The following MPPED2 variants were observed in gnomAD, a reference collection of about 807,000 sequenced individuals.
MPPED2 encodes metallophosphoesterase MPPED2.
MPPED2 carries 5 observed loss-of-function variants against 33.0 expected under a neutral mutation model. That is an observed-to-expected ratio of 0.15 (90% CI 0.08 to 0.32). The LOEUF is 0.32. MPPED2 is among the 10% of genes least tolerant of loss of function. MPPED2 has a pLI of 1.00. For synonymous variants in MPPED2, 136 were observed against 141.9 expected, an observed-to-expected ratio of 0.96 and a Z score of 0.29; for missense variants, 275 against 372.1, an observed-to-expected ratio of 0.74 and a Z score of 2.15.
chr11:30,429,080 A>G (rs1029902031), intron 4 of MPPED2: 1 of 152,186 alleles, frequency 6.6e-6, no homozygotes, highest in Non-Finnish European at 1.5e-5. Flanking sequence ...CACTTGGGAG[A>G]TAGAAAAGAG....
intron 6 of MPPED2, among the ~76,000 whole-genome samples, chr11:30,392,255 A>G (rs574266328): frequency 6.6e-6 from 1 of 152,324 alleles, no homozygotes; most frequent in South Asian, 2.1e-4. Flanking sequence ...CACAAAAAGA[A>G]TAAGCCTTCT....
chr11:30,577,505 G>T (rs991589758), intron 2 of MPPED2, among the ~76,000 whole-genome samples: 1 of 152,148 alleles, frequency 6.6e-6, no homozygotes. Context: ...GCAAAGTTCT[G>T]CCATGACATG....
At chr11:30,482,064 A>C (rs1378370961) in intron 4 of MPPED2, among the ~76,000 whole-genome samples, 1 of 152,170 alleles carries the variant, frequency 6.6e-6, no homozygotes, top group Non-Finnish European at 1.5e-5. Flanking sequence ...TCATAGACAC[A>C]CATTTTACGG....
intron 5 of MPPED2, among the ~76,000 whole-genome samples, chr11:30,415,919 G>A (rs1193673431): frequency 6.6e-6 from 1 of 152,198 alleles, no homozygotes; most frequent in Admixed American, 6.5e-5. Flanking sequence ...AATAGCCAAA[G>A]GGAAATCATG....
intron 4 of MPPED2, among the ~76,000 whole-genome samples, chr11:30,435,102 G>A (rs1264384816): frequency 6.6e-6 from 1 of 152,176 alleles, no homozygotes; most frequent in Non-Finnish European, 1.5e-5. Flanking sequence ...ATTCCTAACA[G>A]GCCCTTGTTT....
At chr11:30,388,987 G>T in intron 6 of MPPED2, 1 of 1,527,084 alleles carries the variant, frequency 6.5e-7, no homozygotes, top group Admixed American at 2.1e-5. Flanking sequence ...GAGAGAGGGA[G>T]AGAGAGAGAG....
intron 2 of MPPED2, among the ~76,000 whole-genome samples, chr11:30,536,845 G>A (rs1447588675): frequency 6.6e-6 from 1 of 151,698 alleles, no homozygotes; most frequent in East Asian, 1.9e-4. Flanking sequence ...TTTTTACTGC[G>A]ATGAATTATC....
intron 4 of MPPED2, among the ~76,000 whole-genome samples, chr11:30,486,881 C>T (rs1488799305): frequency 6.6e-6 from 1 of 152,178 alleles, no homozygotes; most frequent in East Asian, 1.9e-4. Context: ...TTTTGTATGT[C>T]CATGACTGTG....
chr11:30,529,583 T>C (rs887998074), intron 3 of MPPED2, among the ~76,000 whole-genome samples: 2 of 152,166 alleles, frequency 1.3e-5, no homozygotes, highest in Non-Finnish European at 2.9e-5. Flanking sequence ...ACACTAATGT[T>C]AACAGTAGTT....
At chr11:30,549,369 A>G (rs989213786) in intron 2 of MPPED2, among the ~76,000 whole-genome samples, 4 of 152,206 alleles carry the variant, frequency 2.6e-5, no homozygotes, top group Non-Finnish European at 4.4e-5. Context: ...ATAATTCTCA[A>G]TTCTGTGTCA....
intron 2 of MPPED2, among the ~76,000 whole-genome samples, chr11:30,550,104 G>A (rs1955628493): frequency 6.6e-6 from 1 of 152,186 alleles, no homozygotes; most frequent in African/African-American, 2.4e-5. Flanking sequence ...TCCATTGTAG[G>A]AAAGCAGTCC....
At chr11:30,417,906 T>C (rs1364566813) in intron 4 of MPPED2, among the ~76,000 whole-genome samples, 1 of 152,154 alleles carries the variant, frequency 6.6e-6, no homozygotes, top group Non-Finnish European at 1.5e-5. Flanking sequence ...ATCTTGACAA[T>C]GCTTTGTCTT....
At position 30,582,920 on chromosome 11, in the gene MPPED2, C is replaced by T. The variant is rs187085731; in HGVS notation, c.-121-2426G>A. The stretch of plus-strand genomic sequence containing the variant: ...CCATGTTCCCTTTCAAATGTTTCAT[C>T]GAAACAGTGCACCTGCAGCGTCTAT... On this transcript the variant is annotated intron_variant, in intron 1 of 6. Transcript: ENST00000358117. 3.5e-4 allele frequency among the ~76,000 whole-genome samples: 54 copies of T among 152,260 alleles called. No homozygotes were observed. The South Asian group carries it at 4.8e-3, about 13-fold the overall frequency.
intron 4 of MPPED2, among the ~76,000 whole-genome samples, chr11:30,440,100 C>T (rs889278704): frequency 3.3e-5 from 5 of 152,006 alleles, no homozygotes; most frequent in Admixed American, 6.6e-5. Flanking sequence ...GAGGCTGAGG[C>T]GGGGGGATTA....
chr11:30,396,506 T>G (rs1303158654), intron 6 of MPPED2, among the ~76,000 whole-genome samples: 1 of 152,174 alleles, frequency 6.6e-6, no homozygotes, highest in African/African-American at 2.4e-5. Context: ...ATATGTGCCT[T>G]CTAATTCCAT....
At chr11:30,448,531 C>A (rs930089822) in intron 4 of MPPED2, among the ~76,000 whole-genome samples, 1 of 152,206 alleles carries the variant, frequency 6.6e-6, no homozygotes, top group African/African-American at 2.4e-5. Context: ...CTTACAACTG[C>A]CATTCAGGAG....
intron 3 of MPPED2, among the ~76,000 whole-genome samples, chr11:30,506,191 C>G (rs984491507): frequency 1.3e-5 from 2 of 152,046 alleles, no homozygotes; most frequent in Admixed American, 1.3e-4. Flanking sequence ...GTGCCCACCA[C>G]CACCCCCGGC....
intron 3 of MPPED2, among the ~76,000 whole-genome samples, chr11:30,510,398 A>G (rs1953094484): frequency 6.6e-6 from 1 of 152,180 alleles, no homozygotes; most frequent in East Asian, 1.9e-4. Flanking sequence ...TACTAACATC[A>G]CAACTTTTAC....
intron 4 of MPPED2, among the ~76,000 whole-genome samples, chr11:30,487,445 C>G (rs1326214239): frequency 6.6e-6 from 1 of 152,166 alleles, no homozygotes; most frequent in Non-Finnish European, 1.5e-5. Context: ...GGTGCAGGAA[C>G]AGCAGGAGCT....
Sources: allele counts gnomAD v4.1 joint callset (sites outside exome capture counted in the v4.1 genomes callset), GRCh38; gene constraint gnomAD v4.1.1; transcripts MANE v1.5; gene names NCBI Gene and HGNC (gene_info 2026-07-23, HGNC 2026-07-21).